The following DLG2 variants were observed in gnomAD, a reference collection of about 807,000 sequenced individuals.
DLG2 encodes discs large MAGUK scaffold protein 2, also known as disks large homolog 2.
Under a neutral mutation model 132.5 loss-of-function variants are expected in DLG2, and 45 were observed. That is an observed-to-expected ratio of 0.34 (90% CI 0.27 to 0.44). The LOEUF is 0.44. Among genes scored for constraint, DLG2 ranks in the 20% least tolerant of loss-of-function variants. The pLI, the probability that DLG2 is intolerant of heterozygous loss-of-function variation, is 1.00. For missense variants in DLG2, 1,045 were observed against 1,196.9 expected, an observed-to-expected ratio of 0.87 and a Z score of 1.87; for synonymous variants, 424 against 419.6, an observed-to-expected ratio of 1.01 and a Z score of -0.13.
At chr11:85,376,779 C>T (rs2085437307) in intron 3 of DLG2, among the ~76,000 whole-genome samples, 1 of 152,116 alleles carries the variant, frequency 6.6e-6, no homozygotes, top group Non-Finnish European at 1.5e-5. Context: ...CCAACTTCAT[C>T]ATGATAAGTA....
At chr11:85,510,537 A>G (rs943262616) in intron 3 of DLG2, among the ~76,000 whole-genome samples, 1 of 152,098 alleles carries the variant, frequency 6.6e-6, no homozygotes, top group African/African-American at 2.4e-5. Flanking sequence ...AAAAAAACAA[A>G]CAACCCCATC....
At chr11:85,430,770 G>A (rs1348053173) in intron 3 of DLG2, among the ~76,000 whole-genome samples, 1 of 150,230 alleles carries the variant, frequency 6.7e-6, no homozygotes, top group African/African-American at 2.5e-5. Context: ...GGACTGAACT[G>A]TAAAGCACAA....
intron 6 of DLG2, among the ~76,000 whole-genome samples, chr11:84,660,237 G>A (rs1192209321): frequency 6.6e-6 from 1 of 152,094 alleles, no homozygotes; most frequent in Non-Finnish European, 1.5e-5. Context: ...CATATTCTAA[G>A]AATCCAAAGA....
At chr11:84,863,119 T>C (rs563626824) in intron 6 of DLG2, among the ~76,000 whole-genome samples, 1 of 151,994 alleles carries the variant, frequency 6.6e-6, no homozygotes, top group Admixed American at 6.6e-5. Context: ...TTAATGTAGA[T>C]CCTTTTATCA....
intron 21 of DLG2, among the ~76,000 whole-genome samples, chr11:83,492,920 T>A (rs1000997502): frequency 2.6e-5 from 4 of 152,058 alleles, no homozygotes; most frequent in Non-Finnish European, 5.9e-5. Context: ...GGTGATCATT[T>A]AAAATTGTAA....
At chr11:84,801,027 T>A (rs1202048414) in intron 6 of DLG2, among the ~76,000 whole-genome samples, 1 of 152,160 alleles carries the variant, frequency 6.6e-6, no homozygotes, top group Non-Finnish European at 1.5e-5. Flanking sequence ...CAGGGAGAAC[T>A]GGATTTTATG....
intron 5 of DLG2, among the ~76,000 whole-genome samples, chr11:85,139,021 C>T (rs1414057516): frequency 6.6e-6 from 1 of 152,048 alleles, no homozygotes; most frequent in Non-Finnish European, 1.5e-5. Flanking sequence ...ACATGGCTGG[C>T]TCCTTCTCAT....
intron 18 of DLG2, among the ~76,000 whole-genome samples, chr11:83,663,348 C>T (rs993057870): frequency 5.3e-5 from 8 of 152,144 alleles, no homozygotes; most frequent in East Asian, 1.9e-4. Flanking sequence ...TAATATACCA[C>T]GTTGCTGTCA....
chr11:84,478,119 T>C (rs867980659), intron 7 of DLG2, among the ~76,000 whole-genome samples: 6 of 152,104 alleles, frequency 3.9e-5, no homozygotes, highest in African/African-American at 1.4e-4. Flanking sequence ...ATAAAAGAGG[T>C]TAATAGATGC....
intron 6 of DLG2, among the ~76,000 whole-genome samples, chr11:84,670,291 C>G (rs117066929): frequency 1.0e-3 from 152 of 152,152 alleles, no homozygotes; most frequent in Non-Finnish European, 1.9e-3. Flanking sequence ...CAGGCTCTCT[C>G]TCTCTCCTTC....
chr11:83,708,191 T>C (rs2084510096), intron 18 of DLG2, among the ~76,000 whole-genome samples: 1 of 152,186 alleles, frequency 6.6e-6, no homozygotes, highest in African/African-American at 2.4e-5. Context: ...GTTCCTAAAC[T>C]AGATCTGAAA....
chr11:83,665,883 C>A (rs7949749), intron 18 of DLG2, among the ~76,000 whole-genome samples: 2 of 151,768 alleles, frequency 1.3e-5, no homozygotes, highest in Non-Finnish European at 2.9e-5. Flanking sequence ...GTCAAAAACA[C>A]GAAGAAGTGA....
At chr11:85,186,303 CAATATAT>C (rs1233212514) in intron 4 of DLG2, among the ~76,000 whole-genome samples, 1 of 151,926 alleles carries the variant, frequency 6.6e-6, no homozygotes, top group Non-Finnish European at 1.5e-5. Context: ...TACATGTAAT[CAATATAT>C]AATTATTAAT....
At chr11:85,474,443 T>C (rs1182868741) in intron 3 of DLG2, among the ~76,000 whole-genome samples, 1 of 151,912 alleles carries the variant, frequency 6.6e-6, no homozygotes, top group Non-Finnish European at 1.5e-5. Flanking sequence ...TAAAATATAT[T>C]TCCATTAGTA....
chr11:85,076,767 C>T (rs1242267956), intron 6 of DLG2, among the ~76,000 whole-genome samples: 1 of 152,040 alleles, frequency 6.6e-6, no homozygotes, highest in Non-Finnish European at 1.5e-5. Context: ...ATTCTCCTCT[C>T]TGGTACTTTA....
At chr11:84,220,556 A>G (rs1480589413) in intron 8 of DLG2, among the ~76,000 whole-genome samples, 1 of 152,136 alleles carries the variant, frequency 6.6e-6, no homozygotes, top group South Asian at 2.1e-4. Context: ...GGGCAATGCT[A>G]TTCTATAATT....
intron 6 of DLG2, among the ~76,000 whole-genome samples, chr11:85,075,944 G>A (rs1593713496): frequency 6.6e-6 from 1 of 151,762 alleles, no homozygotes; most frequent in Admixed American, 6.6e-5. Flanking sequence ...ATTATACAAG[G>A]GGGATACAGG....
chr11:85,070,196 T>G (rs553018250), intron 6 of DLG2, among the ~76,000 whole-genome samples: 1 of 151,910 alleles, frequency 6.6e-6, no homozygotes, highest in East Asian at 1.9e-4. Flanking sequence ...GAGATATACC[T>G]AATGTAAATG....
At chr11:85,063,376 C>T (rs2064395067) in intron 6 of DLG2, among the ~76,000 whole-genome samples, 1 of 151,800 alleles carries the variant, frequency 6.6e-6, no homozygotes, top group Non-Finnish European at 1.5e-5. Flanking sequence ...GCATATGGTT[C>T]TTGCTATTAT....
Sources: allele counts gnomAD v4.1 joint callset (sites outside exome capture counted in the v4.1 genomes callset), GRCh38; gene constraint gnomAD v4.1.1; transcripts MANE v1.5; gene names NCBI Gene and HGNC (gene_info 2026-07-23, HGNC 2026-07-21).